The following ADGRL3 variants were observed in gnomAD, a reference collection of about 807,000 sequenced individuals.
The protein encoded by ADGRL3 is calcium-independent alpha-latrotoxin receptor 3.
A neutral mutation model predicts 153.5 loss-of-function variants in ADGRL3; 62 were observed. The ratio of observed to expected loss-of-function variants is 0.40; its 90% confidence interval spans 0.33 to 0.50. ADGRL3 has a LOEUF of 0.50. Ranked by LOEUF, ADGRL3 falls within the 20% of genes least tolerant of loss-of-function variation. The probability of loss-of-function intolerance (pLI) is 0.47; values close to 1 mark genes in which losing one functional copy is unlikely to be tolerated. For synonymous variants in ADGRL3, 710 were observed against 672.5 expected, an observed-to-expected ratio of 1.06 and a Z score of -0.86; for missense variants, 1,641 against 1,859.4, an observed-to-expected ratio of 0.88 and a Z score of 2.16.
At chr4:61,911,482 G>T (rs2098721465) in intron 12 of ADGRL3, among the ~76,000 whole-genome samples, 1 of 152,140 alleles carries the variant, frequency 6.6e-6, no homozygotes, top group Non-Finnish European at 1.5e-5. Flanking sequence ...GGAGGGCAAA[G>T]GTTATTCACA....
At chr4:61,754,873 GT>G (rs1199945768) in intron 8 of ADGRL3, among the ~76,000 whole-genome samples, 1 of 151,838 alleles carries the variant, frequency 6.6e-6, no homozygotes, top group Non-Finnish European at 1.5e-5. Flanking sequence ...TGCGGTGTTT[GT>G]TTTTTTATTC....
intron 5 of ADGRL3, among the ~76,000 whole-genome samples, chr4:61,641,657 G>T (rs1281312485): frequency 6.6e-6 from 1 of 151,848 alleles, no homozygotes; most frequent in Non-Finnish European, 1.5e-5. Flanking sequence ...TGGTGTATAT[G>T]TGCCACATTT....
intron 1 of ADGRL3, among the ~76,000 whole-genome samples, chr4:61,332,531 G>T (rs1394264237): frequency 6.6e-6 from 1 of 151,990 alleles, no homozygotes; most frequent in Admixed American, 6.6e-5. Context: ...TATAATTTTA[G>T]GTTATATGTC....
chr4:61,833,958 C>CTTT (rs113049750), intron 9 of ADGRL3, among the ~76,000 whole-genome samples: 4,195 of 123,372 alleles, frequency 0.034, 71 homozygotes, highest in East Asian at 0.074. Flanking sequence ...AAGGCAGCTT[C>CTTT]TTTTTTTTTT....
intron 1 of ADGRL3, among the ~76,000 whole-genome samples, chr4:61,218,779 A>G (rs1744054491): frequency 4.6e-5 from 7 of 152,190 alleles, no homozygotes; most frequent in Admixed American, 4.6e-4. Context: ...CTTGTGAGGA[A>G]CTCAGAGGTT....
At chr4:61,707,586 T>C (rs1452875562) in intron 6 of ADGRL3, among the ~76,000 whole-genome samples, 1 of 152,244 alleles carries the variant, frequency 6.6e-6, no homozygotes, top group East Asian at 1.9e-4. Flanking sequence ...TTTAAGGTTA[T>C]GTTAGATTAA....
chr4:61,716,740 C>T (rs1333607483), intron 6 of ADGRL3, among the ~76,000 whole-genome samples: 2 of 152,084 alleles, frequency 1.3e-5, no homozygotes, highest in African/African-American at 4.8e-5. Flanking sequence ...GCCAAATCCT[C>T]CAAATGCATA....
At chr4:61,746,237 T>G (rs1008003337) in intron 8 of ADGRL3, among the ~76,000 whole-genome samples, 60 of 152,184 alleles carry the variant, frequency 3.9e-4, no homozygotes, top group South Asian at 2.1e-4. Flanking sequence ...AAGAGACTTA[T>G]ACTCCCACAT....
intron 1 of ADGRL3, among the ~76,000 whole-genome samples, chr4:61,382,621 G>A (rs539580855): frequency 6.6e-6 from 1 of 150,958 alleles, no homozygotes; most frequent in Non-Finnish European, 1.5e-5. Context: ...TTAGATTATT[G>A]TGAATAAATA....
intron 23 of ADGRL3, 61 bp downstream of exon 23, chr4:62,031,671 C>T: frequency 8.9e-7 from 1 of 1,129,350 alleles, no homozygotes; most frequent in Non-Finnish European, 1.3e-6. Flanking sequence ...GCAAAGCAGC[C>T]ACAACATATT....
intron 3 of ADGRL3, among the ~76,000 whole-genome samples, chr4:61,499,083 G>C (rs1247484680): frequency 6.6e-6 from 1 of 152,174 alleles, no homozygotes; most frequent in Non-Finnish European, 1.5e-5. Flanking sequence ...ATTGATTACA[G>C]AAACCCATTG....
intron 9 of ADGRL3, among the ~76,000 whole-genome samples, chr4:61,859,699 C>T (rs1206823495): frequency 1.3e-5 from 2 of 152,106 alleles, no homozygotes; most frequent in African/African-American, 2.4e-5. Context: ...ATATTTATAA[C>T]TTAGTTCAGA....
chr4:61,810,045 G>C (rs2097592941), intron 8 of ADGRL3, among the ~76,000 whole-genome samples: 1 of 152,050 alleles, frequency 6.6e-6, no homozygotes, highest in Admixed American at 6.6e-5. Context: ...TAGCAACACA[G>C]GCTGTCCTGC....
intron 8 of ADGRL3, among the ~76,000 whole-genome samples, chr4:61,783,725 T>C (rs2097242926): frequency 6.6e-6 from 1 of 152,100 alleles, no homozygotes; most frequent in South Asian, 2.1e-4. Flanking sequence ...AGTCAAGTTA[T>C]GCCAAATAAC....
chr4:61,815,119 C>T (rs921936634), intron 9 of ADGRL3, among the ~76,000 whole-genome samples: 3 of 151,868 alleles, frequency 2.0e-5, no homozygotes, highest in South Asian at 2.1e-4. Flanking sequence ...AAATGATAAG[C>T]GAATCCCATG....
At chr4:61,564,359 C>T (rs780452959) in intron 4 of ADGRL3, among the ~76,000 whole-genome samples, 5 of 152,144 alleles carry the variant, frequency 3.3e-5, no homozygotes, top group South Asian at 2.1e-4. Flanking sequence ...ATTGCAGCCT[C>T]GAATTTCCAG....
At chr4:61,371,926 T>A (rs1049192209) in intron 1 of ADGRL3, among the ~76,000 whole-genome samples, 15 of 152,122 alleles carry the variant, frequency 9.9e-5, no homozygotes, top group Non-Finnish European at 1.3e-4. Flanking sequence ...GGCTTTGCTC[T>A]TTTCTTTTTA....
intron 1 of ADGRL3, among the ~76,000 whole-genome samples, chr4:61,329,976 A>G (rs937329879): frequency 6.6e-6 from 1 of 152,182 alleles, no homozygotes; most frequent in Non-Finnish European, 1.5e-5. Flanking sequence ...AATCACTTTG[A>G]CACATTCTCT....
intron 24 of ADGRL3, among the ~76,000 whole-genome samples, chr4:62,040,564 C>G (rs1727699686): frequency 6.6e-6 from 1 of 151,964 alleles, no homozygotes; most frequent in Non-Finnish European, 1.5e-5. Flanking sequence ...AAGAGCACTT[C>G]TAAAATAACT....
Sources: allele counts gnomAD v4.1 joint callset (sites outside exome capture counted in the v4.1 genomes callset), GRCh38; gene constraint gnomAD v4.1.1; transcripts MANE v1.5; gene names NCBI Gene and HGNC (gene_info 2026-07-23, HGNC 2026-07-21).